YLPM1: variants seen among roughly 807,000 people sequenced by gnomAD.
YLPM1 encodes the protein YLP motif-containing protein 1.
Under a neutral mutation model 230.0 loss-of-function variants are expected in YLPM1, and 99 were observed. The observed-to-expected ratio is 0.43, with a 90% CI of 0.37 to 0.51. YLPM1 has a LOEUF of 0.51. Among genes scored for constraint, YLPM1 ranks in the 20% least tolerant of loss-of-function variants. The pLI is 0.00. For synonymous variants in YLPM1, 984 were observed against 942.5 expected (o/e 1.04, Z -0.81); for missense variants, 2,592 against 2,707.7 (o/e 0.96, Z 0.95).
intron 6 of YLPM1, among the ~76,000 whole-genome samples, chr14:74,806,212 C>G (rs1566756720): frequency 6.6e-6 from 1 of 151,804 alleles, no homozygotes; most frequent in Non-Finnish European, 1.5e-5. Flanking sequence ...TAAAAATCAG[C>G]TGGGCTTGGT....
rs778059722 is a variant in YLPM1, at chr14:74,809,662, A to G, written c.4804A>G (p.Ile1602Val). The G allele has an allele frequency of 1.2e-6, 2 of 1,614,028 alleles. No individual in the cohort carries two copies. The highest frequency in any genetic ancestry group is 1.7e-6 in the Non-Finnish European group (2 of 1,179,890). ...NSEFKSETAA[I>V]PSAPVLPPPP... Reference sequence around the variant, plus strand: ...AGAATTTAAGTCAGAAACTGCAGCAATTCCATCTGCTCCAGTATTACCACC... The same window carrying G: ...AGAATTTAAGTCAGAAACTGCAGCAGTTCCATCTGCTCCAGTATTACCACC... The change falls in exon 7 of 21, where the codon ATT becomes GTT. Residue 1602 changes from isoleucine to valine, a missense_variant. Ile to Val is a conservative substitution (Grantham distance 29). Around this residue, in one of 4 missense-constraint regions of YLPM1, gnomAD observed 403 missense variants for 426.7 expected, o/e 0.94. Transcript: ENST00000325680.
At chr14:74,828,386 T>G (rs2091582859) in intron 18 of YLPM1, among the ~76,000 whole-genome samples, 1 of 152,188 alleles carries the variant, frequency 6.6e-6, no homozygotes, top group Non-Finnish European at 1.5e-5. Flanking sequence ...ACATGTAGTA[T>G]TCAAAATCAA....
chr14:74,809,330 A>G (rs760263214), intron 6 of YLPM1, 50 bp from the exon 7 acceptor site: 31 of 1,534,112 alleles, frequency 2.0e-5, no homozygotes, highest in South Asian at 1.3e-4. Flanking sequence ...ACTGATCTAT[A>G]AAAACATAGT....
At chr14:74,786,734 C>T (rs2091154332) in intron 4 of YLPM1, among the ~76,000 whole-genome samples, 1 of 152,088 alleles carries the variant, frequency 6.6e-6, no homozygotes, top group Non-Finnish European at 1.5e-5. Context: ...AAAAGTGCTG[C>T]TGTGTGTCTT....
intron 15 of YLPM1, among the ~76,000 whole-genome samples, chr14:74,817,710 CT>C (rs1247315206): frequency 6.6e-6 from 1 of 151,962 alleles, no homozygotes; most frequent in Non-Finnish European, 1.5e-5. Context: ...TTCCTATCTG[CT>C]TTAGTAAATG....
At chr14:74,776,739 A>G (rs1247552271) in intron 1 of YLPM1, among the ~76,000 whole-genome samples, 1 of 152,164 alleles carries the variant, frequency 6.6e-6, no homozygotes, top group Admixed American at 6.5e-5. Context: ...ATGACTGGGA[A>G]AGCTCAGTGA....
Sources: gnomAD v4.1 joint callset for allele counts (sites outside exome capture counted in the v4.1 genomes callset) on GRCh38, gnomAD v4.1.1 for gene constraint, gnomAD v4.1.1 regional missense constraint, MANE v1.5 for transcripts, NCBI Gene and HGNC (gene_info 2026-07-23, HGNC 2026-07-21) for gene names.